Variants in ST7 observed in about 807,000 individuals in gnomAD.
ST7 encodes the protein suppression of tumorigenicity 7.
ST7 carries 28 observed loss-of-function variants against 78.7 expected under a neutral mutation model. The ratio of observed to expected loss-of-function variants is 0.36; its 90% confidence interval spans 0.26 to 0.49. The LOEUF is 0.49. Among genes scored for constraint, ST7 ranks in the 20% least tolerant of loss-of-function variants. The pLI, the probability that ST7 is intolerant of heterozygous loss-of-function variation, is 0.99. For missense variants in ST7, 418 were observed against 696.0 expected, an observed-to-expected ratio of 0.60 and a Z score of 4.49; for synonymous variants, 247 against 249.6, an observed-to-expected ratio of 0.99 and a Z score of 0.10.
At chr7:117,164,113 C>T (rs1386762931) in intron 9 of ST7, among the ~76,000 whole-genome samples, 1 of 152,110 alleles carries the variant, frequency 6.6e-6, no homozygotes, top group Admixed American at 6.6e-5. Context: ...GCTATTGTAA[C>T]CCAAACTGCA....
intron 1 of ST7, among the ~76,000 whole-genome samples, chr7:116,969,968 G>A (rs555652243): frequency 4.6e-4 from 70 of 152,164 alleles, no homozygotes; most frequent in Non-Finnish European, 7.8e-4. Flanking sequence ...TCAGCTACTC[G>A]GGAGACTGAG....
At chr7:117,154,220 G>A (rs985673176) in intron 9 of ST7, among the ~76,000 whole-genome samples, 3 of 152,266 alleles carry the variant, frequency 2.0e-5, no homozygotes, top group African/African-American at 7.2e-5. Context: ...GAAAAGACAG[G>A]AGAGGATCTG....
rs112713773 is a variant in ST7, at chr7:117,189,955, T to G, written c.1151+562T>G. Among the ~76,000 whole-genome samples, 1,177 of 152,308 alleles carry G rather than the reference T, an allele frequency of 7.7e-3. 8 individuals carry two copies. The highest frequency in any genetic ancestry group is 0.011 in the Non-Finnish European group (777 of 68,024). ...AGGATGCCTGTCAGATGAAAGAGCA[T>G]AGATGGCTTAACTGCTTTTGAGTTC... is the stretch of plus-strand genomic sequence containing the variant. On this transcript the variant is annotated intron_variant, in intron 11 of 15. Coordinates refer to ENST00000323984, the MANE Select transcript of ST7 (RefSeq NM_001369598.1).
At chr7:117,167,193 G>A (rs1324753877) in intron 9 of ST7, among the ~76,000 whole-genome samples, 1 of 151,152 alleles carries the variant, frequency 6.6e-6, no homozygotes, top group Non-Finnish European at 1.5e-5. Context: ...CTAGCATTAG[G>A]TATATCACCC....
At chr7:116,980,250 G>T (rs567213310) in intron 1 of ST7, among the ~76,000 whole-genome samples, 1 of 152,018 alleles carries the variant, frequency 6.6e-6, no homozygotes, top group Non-Finnish European at 1.5e-5. Context: ...GAGCCACCAC[G>T]CCCAGCATTC....
intron 1 of ST7, among the ~76,000 whole-genome samples, chr7:116,996,729 C>T (rs1794677786): frequency 6.6e-6 from 1 of 152,136 alleles, no homozygotes; most frequent in African/African-American, 2.4e-5. Context: ...GAATAACTCC[C>T]TTTTGCCAAA....
At chr7:117,020,689 T>C (rs929898001) in intron 1 of ST7, 165 of 1,548,450 alleles carry the variant, frequency 1.1e-4, no homozygotes, top group Non-Finnish European at 2.9e-5. Flanking sequence ...CATGGTTTCA[T>C]TGGCTTAGAG....
At chr7:117,027,805 A>G (rs1469154911) in intron 1 of ST7, among the ~76,000 whole-genome samples, 1 of 152,194 alleles carries the variant, frequency 6.6e-6, no homozygotes, top group South Asian at 2.1e-4. Flanking sequence ...ATTCAGAGCC[A>G]CCACTGGGCT....
rs540012120 is a variant in ST7 at position 117,154,863 on chromosome 7, G to A, written c.964-15999G>A. On this transcript the variant is annotated intron_variant, in intron 9 of 15. Coordinates refer to ENST00000323984, the MANE Select transcript of ST7 (RefSeq NM_001369598.1). Reference sequence around the variant, plus strand: ...AGTCAGGAACTTGAGGAATTGGCAAGGAAATGGAAAGGTGATGGGCCGTGG... The same window carrying A: ...AGTCAGGAACTTGAGGAATTGGCAAAGAAATGGAAAGGTGATGGGCCGTGG... Among the ~76,000 whole-genome samples the A allele has an allele frequency of 1.1e-3, 162 of 152,242 alleles. 1 individual carries two copies. The highest frequency in any genetic ancestry group is 3.8e-3 in the African/African-American group (157 of 41,552).
intron 5 of ST7, among the ~76,000 whole-genome samples, chr7:117,131,519 A>G (rs1197634736): frequency 6.6e-6 from 1 of 151,936 alleles, no homozygotes; most frequent in African/African-American, 2.4e-5. Context: ...ATGACCAATT[A>G]TGTTGTATCT....
intron 1 of ST7, among the ~76,000 whole-genome samples, chr7:116,993,725 C>CGG (rs1794525886): frequency 6.6e-6 from 1 of 152,124 alleles, no homozygotes; most frequent in African/African-American, 2.4e-5. Context: ...GAATAGATAC[C>CGG]AGAGCTAGGG....
chr7:117,099,074 A>AAAG (rs1285844228), intron 1 of ST7, among the ~76,000 whole-genome samples: 3 of 149,486 alleles, frequency 2.0e-5, no homozygotes, highest in East Asian at 1.9e-4. Context: ...AACAAAAAAA[A>AAAG]AAGAAGAAGA....
chr7:117,033,533 C>A (rs918338379), intron 1 of ST7, among the ~76,000 whole-genome samples: 4 of 151,814 alleles, frequency 2.6e-5, no homozygotes, highest in Non-Finnish European at 2.9e-5. Context: ...AGGTGATTCT[C>A]CTGCCTCAGC....
intron 1 of ST7, among the ~76,000 whole-genome samples, chr7:117,005,111 G>T (rs531540192): frequency 1.2e-4 from 19 of 152,158 alleles, no homozygotes; most frequent in African/African-American, 3.9e-4. Flanking sequence ...TTTAAAGAAA[G>T]ATATACACAT....
At chr7:116,998,657 A>G (rs1794791397) in intron 1 of ST7, among the ~76,000 whole-genome samples, 1 of 152,262 alleles carries the variant, frequency 6.6e-6, no homozygotes, top group Admixed American at 6.5e-5. Context: ...AGCATTTACT[A>G]TGTGCCAGAC....
chr7:117,100,396 A>T (rs1584659920), intron 2 of ST7, among the ~76,000 whole-genome samples: 1 of 151,938 alleles, frequency 6.6e-6, no homozygotes, highest in African/African-American at 2.4e-5. Context: ...AATGGGTTGA[A>T]CCCGGGAGGC....
At chr7:117,000,894 T>G (rs1368941049) in intron 1 of ST7, among the ~76,000 whole-genome samples, 1 of 152,156 alleles carries the variant, frequency 6.6e-6, no homozygotes, top group African/African-American at 2.4e-5. Flanking sequence ...ATTTAGAAAT[T>G]CCAGAACTCA....
At chr7:117,155,959 T>C (rs1235551451) in intron 9 of ST7, among the ~76,000 whole-genome samples, 1 of 152,186 alleles carries the variant, frequency 6.6e-6, no homozygotes, top group Non-Finnish European at 1.5e-5. Context: ...CTTCCAGACA[T>C]TCTCATGACT....
At chr7:117,206,893 C>T (rs566671921) in intron 12 of ST7, among the ~76,000 whole-genome samples, 1 of 152,080 alleles carries the variant, frequency 6.6e-6, no homozygotes, top group Non-Finnish European at 1.5e-5. Context: ...GGAAATATTC[C>T]CTGCATTGTC....
Sources: allele counts gnomAD v4.1 joint callset (sites outside exome capture counted in the v4.1 genomes callset), GRCh38; gene constraint gnomAD v4.1.1; transcripts MANE v1.5; gene names NCBI Gene and HGNC (gene_info 2026-07-23, HGNC 2026-07-21).